Variants in VWC2L observed in about 807,000 individuals in gnomAD.
VWC2L encodes the protein von Willebrand factor C domain-containing protein 2-like.
VWC2L carries 10 observed loss-of-function variants against 21.6 expected under a neutral mutation model. That is an observed-to-expected ratio of 0.46 (90% CI 0.29 to 0.78). The LOEUF (loss-of-function observed/expected upper bound fraction) is 0.78. Among genes scored for constraint, VWC2L ranks in the 30% least tolerant of loss-of-function variants. VWC2L has a pLI of 0.10. For missense variants in VWC2L, 209 were observed against 277.1 expected (o/e 0.75, Z 1.74); for synonymous variants, 96 against 94.3 (o/e 1.02, Z -0.10).
intron 3 of VWC2L, among the ~76,000 whole-genome samples, chr2:214,513,945 T>C (rs1167371209): frequency 6.6e-6 from 1 of 152,060 alleles, no homozygotes; most frequent in East Asian, 1.9e-4. Context: ...AGTCAACAAG[T>C]TGAAAGGACA....
intron 3 of VWC2L, among the ~76,000 whole-genome samples, chr2:214,507,749 A>T (rs1688987454): frequency 6.6e-6 from 1 of 152,198 alleles, no homozygotes; most frequent in African/African-American, 2.4e-5. Context: ...CCGTATTTCT[A>T]TTGAACAGCC....
At chr2:214,562,229 T>C (rs1207281395) in intron 3 of VWC2L, among the ~76,000 whole-genome samples, 1 of 152,112 alleles carries the variant, frequency 6.6e-6, no homozygotes, top group Non-Finnish European at 1.5e-5. Context: ...CACTTATAAG[T>C]GAGAACATGC....
intron 3 of VWC2L, among the ~76,000 whole-genome samples, chr2:214,492,504 T>C (rs2126201727): frequency 6.6e-6 from 1 of 152,274 alleles, no homozygotes; most frequent in Non-Finnish European, 1.5e-5. Context: ...CCAATGTACC[T>C]GTGAGACACA....
chr2:214,473,628 G>T (rs2126194043), intron 3 of VWC2L: 1 of 152,118 alleles, frequency 6.6e-6, no homozygotes, highest in South Asian at 2.1e-4. Flanking sequence ...GCAAGGAATT[G>T]GGATCTCACT....
intron 3 of VWC2L, among the ~76,000 whole-genome samples, chr2:214,508,869 C>T (rs891975275): frequency 4.6e-5 from 7 of 152,134 alleles, no homozygotes. Context: ...GAAGTTCTGA[C>T]CCATTCCCTA....
chr2:214,439,818 C>A (rs1270888642), intron 3 of VWC2L, among the ~76,000 whole-genome samples: 3 of 151,530 alleles, frequency 2.0e-5, no homozygotes, highest in Non-Finnish European at 3.0e-5. Flanking sequence ...TATTTAAGAG[C>A]AAACAAAACA....
rs56085205 is a variant in VWC2L, at chr2:214,499,009, C to CT, written c.520+62280dup. On this transcript the variant is annotated intron_variant, in intron 3 of 3. Transcript: ENST00000312504. ...CTTCTGAGGCTTATATCGTACCATTCTTTTTTTTTTTTTTTTTTTTTTTTT... is the reference window on the plus strand; with the variant it reads ...CTTCTGAGGCTTATATCGTACCATTCTTTTTTTTTTTTTTTTTTTTTTTTTT... 4.4e-3 allele frequency among the ~76,000 whole-genome samples: 363 copies of CT among 83,404 alleles called. 31 individuals carry two copies. Among genetic ancestry groups the CT allele is most frequent in the East Asian group, 0.02 (56 of 2,742 alleles). 54.7% of individuals were successfully genotyped at this position (83,404 alleles called of 152,430 possible).
At chr2:214,423,831 T>A (rs908961412) in intron 2 of VWC2L, among the ~76,000 whole-genome samples, 2 of 152,136 alleles carry the variant, frequency 1.3e-5, no homozygotes, top group Non-Finnish European at 2.9e-5. Context: ...GACTACTTTA[T>A]ACTTGGATGT....
chr2:214,543,313 A>G (rs1196707673), intron 3 of VWC2L, among the ~76,000 whole-genome samples: 3 of 152,220 alleles, frequency 2.0e-5, no homozygotes, highest in Non-Finnish European at 2.9e-5. Flanking sequence ...TTACCTTTAA[A>G]TATATTTGGT....
chr2:214,501,832 T>G (rs910767309), intron 3 of VWC2L, among the ~76,000 whole-genome samples: 1 of 150,682 alleles, frequency 6.6e-6, no homozygotes, highest in South Asian at 2.1e-4. Context: ...TATATAAGAC[T>G]CCAGCTACCC....
intron 2 of VWC2L, among the ~76,000 whole-genome samples, chr2:214,421,441 A>T (rs1431927871): frequency 1.3e-5 from 2 of 152,144 alleles, no homozygotes; most frequent in African/African-American, 2.4e-5. Context: ...GTAGTTTTTC[A>T]TACTCACTTA....
intron 3 of VWC2L, among the ~76,000 whole-genome samples, chr2:214,518,549 A>G (rs2105909803): frequency 6.6e-6 from 1 of 152,330 alleles, no homozygotes; most frequent in East Asian, 1.9e-4. Flanking sequence ...GACTAGCACA[A>G]GAAATACTGT....
At chr2:214,428,172 A>C (rs994759770) in intron 2 of VWC2L, among the ~76,000 whole-genome samples, 1 of 152,186 alleles carries the variant, frequency 6.6e-6, no homozygotes, top group African/African-American at 2.4e-5. Context: ...TCATGTAATC[A>C]ATCCCACATC....
chr2:214,506,823 G>A (rs1483926034), intron 3 of VWC2L, among the ~76,000 whole-genome samples: 1 of 152,010 alleles, frequency 6.6e-6, no homozygotes. Context: ...ATAAAGACTT[G>A]TGATACAATG....
At chr2:214,446,945 T>A (rs1702846970) in intron 3 of VWC2L, among the ~76,000 whole-genome samples, 2 of 152,182 alleles carry the variant, frequency 1.3e-5, no homozygotes, top group South Asian at 4.1e-4. Context: ...CTGCTGAGTG[T>A]ATCCCTGAAA....
At chr2:214,493,811 A>G (rs1688776265) in intron 3 of VWC2L, among the ~76,000 whole-genome samples, 1 of 152,176 alleles carries the variant, frequency 6.6e-6, no homozygotes, top group Admixed American at 6.5e-5. Context: ...TGTTGAGATG[A>G]CAAAGAGGTT....
chr2:214,454,119 G>C (rs1703017957), intron 3 of VWC2L, among the ~76,000 whole-genome samples: 1 of 151,508 alleles, frequency 6.6e-6, no homozygotes. Flanking sequence ...ATTGCTCTTG[G>C]GTTCTGAAAC....
chr2:214,530,539 A>G (rs1438842083), intron 3 of VWC2L, among the ~76,000 whole-genome samples: 3 of 152,202 alleles, frequency 2.0e-5, no homozygotes, highest in Admixed American at 6.6e-5. Flanking sequence ...ATAGGCAGAC[A>G]TAGACCCCAA....
chr2:214,484,402 C>T (rs1688648089), intron 3 of VWC2L, among the ~76,000 whole-genome samples: 1 of 152,156 alleles, frequency 6.6e-6, no homozygotes, highest in Admixed American at 6.5e-5. Context: ...GGTACCTTGC[C>T]TTAAAAGGAA....
Sources: allele counts gnomAD v4.1 joint callset (sites outside exome capture counted in the v4.1 genomes callset), GRCh38; gene constraint gnomAD v4.1.1; transcripts MANE v1.5; gene names NCBI Gene and HGNC (gene_info 2026-07-23, HGNC 2026-07-21).